Variants in KDM2A observed in about 807,000 individuals in gnomAD.
KDM2A encodes lysine demethylase 2A.
KDM2A carries 3 observed loss-of-function variants against 137.3 expected under a neutral mutation model. The ratio of observed to expected loss-of-function variants is 0.02; its 90% CI spans 0.01 to 0.06. The LOEUF (loss-of-function observed/expected upper bound fraction) is 0.06. Among genes scored for constraint, KDM2A ranks in the 10% least tolerant of loss-of-function variants. KDM2A has a pLI of 1.00. For missense variants in KDM2A, 738 were observed against 1,510.6 expected, an observed-to-expected ratio of 0.49 and a Z score of 8.48; for synonymous variants, 512 against 541.5, an observed-to-expected ratio of 0.95 and a Z score of 0.76.
chr11:67,147,253 T>G (rs1344174350), intron 2 of KDM2A, among the ~76,000 whole-genome samples: 1 of 152,018 alleles, frequency 6.6e-6, no homozygotes, highest in Non-Finnish European at 1.5e-5. Flanking sequence ...AAGATATGAC[T>G]TCCACTGGGC....
intron 2 of KDM2A, chr11:67,143,498 C>T (rs1161788850): frequency 6.6e-6 from 1 of 152,092 alleles, no homozygotes. Flanking sequence ...GTAACTACTA[C>T]TCAGTCAAGA....
At chr11:67,125,563 A>C (rs568228490) in intron 2 of KDM2A, among the ~76,000 whole-genome samples, 19 of 151,748 alleles carry the variant, frequency 1.3e-4, no homozygotes. Context: ...CCTGAGGTCA[A>C]GAGTTTGAGA....
chr11:67,231,938 A>G lies in KDM2A; in HGVS notation c.1457A>G (p.Asp486Gly). 1 of 1,613,424 alleles carries G rather than the reference A, an allele frequency of 6.2e-7. No homozygotes were observed. The highest frequency in any genetic ancestry group is 1.1e-5 in the South Asian group (1 of 91,038). The stretch of plus-strand genomic sequence containing the variant: ...GTCCCCACAGGGATAGAAGATGAAG[A>G]TGCTCTCATTGCTGATGTAAAGGTA... ...KCVPTGIEDE[D>G]ALIADVKILL... The change falls in exon 12 of 21, where the codon GAT becomes GGT. Residue 486 changes from aspartate (D) to glycine (G), a missense_variant. Asp to Gly is a moderately conservative substitution (Grantham distance 94). Coordinates refer to ENST00000529006, the MANE Select transcript of KDM2A (RefSeq NM_012308.3).
chr11:67,210,583 A>G (rs1400483459), intron 6 of KDM2A, among the ~76,000 whole-genome samples: 1 of 152,168 alleles, frequency 6.6e-6, no homozygotes, highest in Non-Finnish European at 1.5e-5. Flanking sequence ...AGGGCGGAGA[A>G]GAACCTATGA....
intron 2 of KDM2A, among the ~76,000 whole-genome samples, chr11:67,139,104 G>A (rs1345139841): frequency 6.6e-6 from 1 of 151,966 alleles, no homozygotes; most frequent in Non-Finnish European, 1.5e-5. Context: ...TGCTCCTTAA[G>A]TCTTATTTAA....
chr11:67,168,806 G>C (rs983040899), intron 2 of KDM2A, among the ~76,000 whole-genome samples: 2 of 152,250 alleles, frequency 1.3e-5, no homozygotes, highest in Admixed American at 1.3e-4. Flanking sequence ...TTTTGGATAT[G>C]TATGCATTCA....
rs35180780 is a variant in KDM2A, at chr11:67,224,461, C to CTTTTTT, written c.958-3559_958-3554dup. On this transcript the variant is annotated intron_variant, in intron 10 of 20. Coordinates refer to ENST00000529006, the MANE Select transcript of KDM2A (RefSeq NM_012308.3). ...GTCCGTACCAAAAATTAACCCCTTT[C>CTTTTTT]TTTTTTTTTTTTTTTTTTTTTTGAG... Among the ~76,000 whole-genome samples, 504 of 95,112 alleles carry CTTTTTT rather than the reference C, an allele frequency of 5.3e-3. 6 individuals carry two copies. The highest frequency in any genetic ancestry group is 6.5e-3 in the Non-Finnish European group (346 of 53,390). The allele number at this position is 95,112 out of a possible 152,430, so 62.4% of individuals were successfully genotyped here.
chr11:67,124,894 G>C (rs905513459), intron 2 of KDM2A, among the ~76,000 whole-genome samples: 1 of 147,248 alleles, frequency 6.8e-6, no homozygotes, highest in African/African-American at 2.5e-5. Flanking sequence ...GTCTTGCTCT[G>C]TCGCCCAGGC....
Position 67,255,369 on chromosome 11 carries a change from C to T in KDM2A, c.*314C>T. On this transcript the variant is annotated 3_prime_UTR_variant, in exon 21 of 21. Coordinates refer to ENST00000529006, the MANE Select transcript of KDM2A (RefSeq NM_012308.3). Reference sequence around the variant, plus strand: ...GGGCTCTCAGTTTGGGGTGTTTGTGCAACCTTCATCTGCACTGGGCCCTGT... The same window carrying T: ...GGGCTCTCAGTTTGGGGTGTTTGTGTAACCTTCATCTGCACTGGGCCCTGT... 2.2e-6 allele frequency: 1 copy of T among 455,840 alleles called. No individual in the cohort carries two copies. Among genetic ancestry groups the T allele is most frequent in the Non-Finnish European group, 4.3e-6 (1 of 235,042 alleles). 28.2% of individuals were successfully genotyped at this position (455,840 alleles called of 1,614,324 possible).
intron 2 of KDM2A, among the ~76,000 whole-genome samples, chr11:67,147,771 G>T (rs1180627004): frequency 2.0e-5 from 3 of 151,328 alleles, no homozygotes; most frequent in African/African-American, 7.3e-5. Flanking sequence ...GCCGCCTCCT[G>T]GGTTCAAGCG....
chr11:67,201,064 G>A (rs1224749213), intron 5 of KDM2A, among the ~76,000 whole-genome samples: 3 of 151,784 alleles, frequency 2.0e-5, no homozygotes, highest in Non-Finnish European at 4.4e-5. Context: ...CGTGGTGGCG[G>A]GCGCTTGTAG....
chr11:67,136,378 GAC>G (rs1855970266), intron 2 of KDM2A, among the ~76,000 whole-genome samples: 1 of 152,144 alleles, frequency 6.6e-6, no homozygotes, highest in Non-Finnish European at 1.5e-5. Flanking sequence ...ACTTTGTTGG[GAC>G]ACAGTTTATA....
chr11:67,125,083 G>T (rs970992707), intron 2 of KDM2A, among the ~76,000 whole-genome samples: 1 of 151,044 alleles, frequency 6.6e-6, no homozygotes, highest in East Asian at 2.0e-4. Flanking sequence ...GGATGGTCTC[G>T]ATCTGCTGAC....
At chr11:67,161,468 T>C (rs2136316960) in intron 2 of KDM2A, among the ~76,000 whole-genome samples, 1 of 152,312 alleles carries the variant, frequency 6.6e-6, no homozygotes, top group South Asian at 2.1e-4. Flanking sequence ...TTTGCACAGT[T>C]TTTAACTGAC....
chr11:67,121,469 T>C, intron 2 of KDM2A, 111 bp downstream of exon 2: 2 of 1,019,580 alleles, frequency 2.0e-6, no homozygotes, highest in South Asian at 1.4e-5. Context: ...CGGGTGACTT[T>C]TCTGTGCACC....
At chr11:67,130,774 C>T (rs1439356967) in intron 2 of KDM2A, among the ~76,000 whole-genome samples, 1 of 151,998 alleles carries the variant, frequency 6.6e-6, no homozygotes. Flanking sequence ...TATTATATGC[C>T]AGATAGTAGG....
chr11:67,229,877 A>G (rs1858658181), intron 11 of KDM2A, among the ~76,000 whole-genome samples: 1 of 146,794 alleles, frequency 6.8e-6, no homozygotes, highest in Non-Finnish European at 1.5e-5. Flanking sequence ...CTCAAAAAGA[A>G]AAAAAAAAAT....
rs978604186 is a variant in KDM2A at position 67,182,577 on chromosome 11, G to T, written c.307+685G>T. On this transcript the variant is annotated intron_variant, in intron 5 of 20. Transcript: ENST00000529006. ...AGACGCAGTCTCCCTCTGTCGCCCA[G>T]GCTGGAGTGCAGTGGCACAATCTCG... 2.7e-5 allele frequency among the ~76,000 whole-genome samples: 4 copies of T among 150,096 alleles called. No individual in the cohort carries two copies. In the South Asian group the frequency reaches 8.4e-4, roughly 31 times the overall value.
At chr11:67,167,478 ATTCTGTATATAAGTAGCTAT>A (rs1856772181) in intron 2 of KDM2A, among the ~76,000 whole-genome samples, 1 of 152,136 alleles carries the variant, frequency 6.6e-6, no homozygotes, top group Admixed American at 6.5e-5. Flanking sequence ...TTTTAGGATC[ATTCTGTATATAAGTAGCTAT>A]TTGACACTAG....
Sources: allele counts gnomAD v4.1 joint callset (sites outside exome capture counted in the v4.1 genomes callset), GRCh38; gene constraint gnomAD v4.1.1; transcripts MANE v1.5; gene names NCBI Gene and HGNC (gene_info 2026-07-23, HGNC 2026-07-21).